The following POGLUT1 variants were observed in gnomAD, a reference collection of about 807,000 sequenced individuals.
POGLUT1 encodes the protein protein O-glucosyltransferase 1.
A neutral mutation model predicts 61.3 loss-of-function variants in POGLUT1; 32 were observed. That is an observed-to-expected ratio of 0.52 (90% CI 0.39 to 0.70). The LOEUF (loss-of-function observed/expected upper bound fraction) is 0.70, where lower values mean the gene tolerates loss of function less well. Ranked by LOEUF, POGLUT1 falls within the 30% of genes least tolerant of loss-of-function variation. The probability of loss-of-function intolerance (pLI) is 0.00; values close to 1 mark genes in which losing one functional copy is unlikely to be tolerated. For missense variants in POGLUT1, 411 were observed against 469.8 expected, an observed-to-expected ratio of 0.87 and a Z score of 1.16; for synonymous variants, 158 against 158.2, an observed-to-expected ratio of 1.00 and a Z score of 0.01.
chr3:119,476,944 A>G (rs1241834222), intron 3 of POGLUT1, among the ~76,000 whole-genome samples: 1 of 152,250 alleles, frequency 6.6e-6, no homozygotes, highest in Non-Finnish European at 1.5e-5. Flanking sequence ...TAGCTATTTC[A>G]GCTATTACGA....
chr3:119,477,391 T>A lies in POGLUT1; in HGVS notation c.399T>A (p.Asp133Glu). The A allele has an allele frequency of 6.2e-7, 1 of 1,614,194 alleles. No individual in the cohort carries two copies. The highest frequency in any genetic ancestry group is 8.5e-7 in the Non-Finnish European group (1 of 1,180,006). ...TGGAGATGGTGATCAATGTACGAGA[T>A]TATCCTCAGGTTCCTAAATGGATGG... The part of the protein sequence containing the change: ...PDMEMVINVR[D>E]YPQVPKWMEP... Residue 133 changes from aspartate (D) to glutamate (E), a missense_variant, in exon 4 of 11, where the codon GAT becomes GAA. Asp to Glu is a conservative substitution (Grantham distance 45). Coordinates refer to ENST00000295588, the MANE Select transcript of POGLUT1 (RefSeq NM_152305.3).
chr3:119,471,184 C>G (rs778227512), intron 2 of POGLUT1, 125 bp from the exon 3 acceptor site: 2 of 791,450 alleles, frequency 2.5e-6, no homozygotes, highest in Non-Finnish European at 4.2e-6. Context: ...TGCTCATTCT[C>G]ACTCTCGATT....
chr3:119,493,884 A>G lies in POGLUT1; in HGVS notation c.*1446A>G, dbSNP rs1179333325. The G allele has an allele frequency of 6.7e-6, 1 of 149,530 alleles. No individual in the cohort carries two copies. Among genetic ancestry groups the G allele is most frequent in the Non-Finnish European group, 1.5e-5 (1 of 67,868 alleles). 9.3% of individuals were successfully genotyped at this position (149,530 alleles called of 1,614,324 possible). A position where few individuals can be genotyped will look rare whatever the true frequency, so the allele number is the denominator to read the frequency against. On this transcript the variant is annotated 3_prime_UTR_variant, in exon 11 of 11. Transcript: ENST00000295588. ...GTTCTTAGTCTGTGAATCTAGCAAT[A>G]GGCAGTCCAGATTTCTGAGTCGTAC...
At chr3:119,487,067 A>G in intron 7 of POGLUT1, 135 bp downstream of exon 7, 2 of 666,450 alleles carry the variant, frequency 3.0e-6, no homozygotes, top group Non-Finnish European at 5.4e-6. Context: ...ATGAACCAGC[A>G]TTAGCATATA....
rs755805606 is a variant in POGLUT1, at chr3:119,471,314, T to C, written c.182T>C (p.Ile61Thr). The change falls in exon 3 of 11, where the codon ATA becomes ACA. Residue 61 changes from isoleucine to threonine, a missense_variant. Ile to Thr is a moderately conservative substitution (Grantham distance 89). Coordinates refer to ENST00000295588, the MANE Select transcript of POGLUT1 (RefSeq NM_152305.3). ...SQNCSCYHGV[I>T]EEDLTPFRGG... ...TGACTCCCATTCTTTCCCAGTGTCA[T>C]AGAAGAGGATCTAACTCCTTTCCGA... is the stretch of plus-strand genomic sequence containing the variant. 1 of 1,613,988 alleles carries C rather than the reference T, an allele frequency of 6.2e-7. No homozygotes were observed. Among genetic ancestry groups the C allele is most frequent in the Non-Finnish European group, 8.5e-7 (1 of 1,179,908 alleles).
At chr3:119,483,860 C>A (rs72970350) in intron 5 of POGLUT1, among the ~76,000 whole-genome samples, 8,644 of 152,188 alleles carry the variant, frequency 0.057, 788 homozygotes, top group African/African-American at 0.19. Flanking sequence ...GAGGGACGGG[C>A]AAAATTACCC....
At chr3:119,492,009 G>A (rs1003690673) in intron 10 of POGLUT1, among the ~76,000 whole-genome samples, 8 of 151,990 alleles carry the variant, frequency 5.3e-5, no homozygotes, top group Admixed American at 2.0e-4. Context: ...AGCCAAGATC[G>A]CACCATTGCG....
Position 119,468,981 on chromosome 3 carries a change from G to T in POGLUT1, c.-41G>T, listed in dbSNP as rs966181214. 2 of 1,561,018 alleles carry T rather than the reference G, an allele frequency of 1.3e-6. No homozygotes were observed. The highest frequency in any genetic ancestry group is 1.7e-6 in the Non-Finnish European group (2 of 1,148,574). On this transcript the variant is annotated 5_prime_UTR_variant, in exon 1 of 11. Coordinates refer to ENST00000295588, the MANE Select transcript of POGLUT1 (RefSeq NM_152305.3). ...CATCTTTGTGCGGGGCCGCGCTTCCGCCAGCGCCGCAGCGGGGAATCTGCA... is the reference window on the plus strand; with the variant it reads ...CATCTTTGTGCGGGGCCGCGCTTCCTCCAGCGCCGCAGCGGGGAATCTGCA...
chr3:119,482,617 TTATTCATG>T (rs2081618921), intron 5 of POGLUT1, among the ~76,000 whole-genome samples: 1 of 152,238 alleles, frequency 6.6e-6, no homozygotes, highest in African/African-American at 2.4e-5. Flanking sequence ...TCAATTGAAT[TTATTCATG>T]GTTATAGAAA....
intron 5 of POGLUT1, among the ~76,000 whole-genome samples, chr3:119,484,311 C>T (rs2081640651): frequency 1.3e-5 from 2 of 152,200 alleles, no homozygotes; most frequent in African/African-American, 4.8e-5. Context: ...TTCTCCGTTA[C>T]TGTAATCCAG....
At position 119,492,443 on chromosome 3, in the gene POGLUT1, C is replaced by A; in HGVS notation, c.*5C>A. The A allele has an allele frequency of 1.3e-6, 2 of 1,568,280 alleles. No homozygotes were observed. The highest frequency in any genetic ancestry group is 2.3e-5 in the South Asian group (2 of 85,772). On this transcript the variant is annotated 3_prime_UTR_variant, in exon 11 of 11. Coordinates refer to ENST00000295588, the MANE Select transcript of POGLUT1 (RefSeq NM_152305.3). ...ATGTTGAAAACTGAACTATAGTAGT[C>A]ATCATAGGACCATAGTCCTCTTTGT...
rs74883458 is a variant in POGLUT1, at chr3:119,478,014, C to G, written c.456+566C>G. ...ATGCAAGGGGGTGATCTTTTAGACT[C>G]ATCATGGAAGATTGGAGTAGCTAGG... is the stretch of plus-strand genomic sequence containing the variant. On this transcript the variant is annotated intron_variant, in intron 4 of 10. Transcript: ENST00000295588. The G allele has an allele frequency of 9.4e-3, 2,539 of 270,520 alleles. 84 individuals carry two copies. The highest frequency in any genetic ancestry group is 0.066 in the South Asian group (1,644 of 24,816). 16.8% of individuals were successfully genotyped at this position (270,520 alleles called of 1,614,324 possible). A position where few individuals can be genotyped will look rare whatever the true frequency, so the allele number is the denominator to read the frequency against.
At chr3:119,475,041 T>G (rs1339930093) in intron 3 of POGLUT1, among the ~76,000 whole-genome samples, 1 of 152,146 alleles carries the variant, frequency 6.6e-6, no homozygotes, top group Non-Finnish European at 1.5e-5. Context: ...AATATTTGGA[T>G]ACCTCCAAAA....
At position 119,477,368 on chromosome 3, in the gene POGLUT1, G is replaced by C; in HGVS notation, c.376G>C (p.Glu126Gln). ...AGTGATCGGGCGTCTCCCTGACATG[G>C]AGATGGTGATCAATGTACGAGATTA... The part of the protein sequence containing the change: ...LEVIGRLPDM[E>Q]MVINVRDYPQ... Residue 126 changes from glutamate (E) to glutamine (Q), a missense_variant, in exon 4 of 11, where the codon GAG (glutamate) becomes CAG (glutamine). Coordinates refer to ENST00000295588, the MANE Select transcript of POGLUT1 (RefSeq NM_152305.3). The C allele has an allele frequency of 6.2e-7, 1 of 1,614,086 alleles. No individual in the cohort carries two copies. Among genetic ancestry groups the C allele is most frequent in the Non-Finnish European group, 8.5e-7 (1 of 1,179,930 alleles).
At chr3:119,483,716 T>A (rs2081632657) in intron 5 of POGLUT1, among the ~76,000 whole-genome samples, 1 of 152,260 alleles carries the variant, frequency 6.6e-6, no homozygotes, top group Non-Finnish European at 1.5e-5. Flanking sequence ...TAATTCTTTG[T>A]CCTGGGAGCT....
In POGLUT1 at chr3:119,491,566, T is replaced by G. The variant is rs779727116; in HGVS notation, c.1014T>G (p.Ile338Met). The change falls in exon 10 of 11, where the codon ATT (isoleucine) becomes ATG (methionine). Residue 338 changes from isoleucine to methionine, a missense_variant. Transcript: ENST00000295588. ...VKANDDVAQE[I>M]AERGSQFIRN... ...CAAATGATGATGTAGCTCAAGAGAT[T>G]GCTGAAAGGTGAGTTCTGTTCATTT... The G allele has an allele frequency of 1.3e-6, 2 of 1,548,476 alleles. No homozygotes were observed. Among genetic ancestry groups the G allele is most frequent in the Non-Finnish European group, 8.8e-7 (1 of 1,131,462 alleles).
chr3:119,486,105 T>A (rs1351964620), intron 6 of POGLUT1, among the ~76,000 whole-genome samples: 2 of 152,196 alleles, frequency 1.3e-5, no homozygotes, highest in African/African-American at 4.8e-5. Context: ...GGTAAATGGA[T>A]TATCCAGCTA....
At chr3:119,470,757 A>C (rs1410542521) in intron 2 of POGLUT1, among the ~76,000 whole-genome samples, 1 of 152,194 alleles carries the variant, frequency 6.6e-6, no homozygotes, top group South Asian at 2.1e-4. Flanking sequence ...GCTCCTTTTT[A>C]TGTTATTTTT....
rs372780198 is a variant in POGLUT1, at chr3:119,471,465, G to C, written c.320+13G>C. 8 of 1,612,376 alleles carry C rather than the reference G, an allele frequency of 5.0e-6. No homozygotes were observed. The African/African-American group carries it at 6.7e-5, about 13-fold the overall frequency. On this transcript the variant is annotated intron_variant, in intron 3 of 10. Transcript: ENST00000295588. ...TGTTCCCCTCAAGGTAAGAGTTAAC[G>C]AGGTAGATATATCTTCTGACTTTAT...
Sources: allele counts gnomAD v4.1 joint callset (sites outside exome capture counted in the v4.1 genomes callset), GRCh38; gene constraint gnomAD v4.1.1; transcripts MANE v1.5; gene names NCBI Gene and HGNC (gene_info 2026-07-23, HGNC 2026-07-21).